KIF1B: variants seen among roughly 807,000 people sequenced by gnomAD.
KIF1B encodes kinesin family member 1B.
In KIF1B, 76 loss-of-function variants were observed where a neutral mutation model predicts 241.9. The ratio of observed to expected loss-of-function variants is 0.31; its 90% CI spans 0.26 to 0.38. The LOEUF (loss-of-function observed/expected upper bound fraction) is 0.38, where lower values mean the gene tolerates loss of function less well. Ranked by LOEUF, KIF1B falls within the 10% of genes least tolerant of loss-of-function variation. The pLI, the probability that KIF1B is intolerant of heterozygous loss-of-function variation, is 1.00. For missense variants in KIF1B, 1,622 were observed against 2,271.4 expected (o/e 0.71, Z 5.81); for synonymous variants, 750 against 796.7 (o/e 0.94, Z 0.99).
At chr1:10,364,470 C>A in intron 41 of KIF1B, among the ~76,000 whole-genome samples, 1 of 150,746 alleles carries the variant, frequency 6.6e-6, no homozygotes. Context: ...TCCCAAAGTG[C>A]TGGGATTACA....
intron 2 of KIF1B, among the ~76,000 whole-genome samples, chr1:10,245,948 C>T (rs1647204775): frequency 6.6e-6 from 1 of 152,142 alleles, no homozygotes; most frequent in African/African-American, 2.4e-5. Flanking sequence ...TAAAGTCCAC[C>T]AGGCTTTTGT....
At chr1:10,308,840 T>G (rs1650948995) in intron 22 of KIF1B, among the ~76,000 whole-genome samples, 1 of 152,248 alleles carries the variant, frequency 6.6e-6, no homozygotes, top group Non-Finnish European at 1.5e-5. Context: ...ACATTTCACT[T>G]ACATAAAATC....
chr1:10,222,706 G>A (rs1264123537), intron 1 of KIF1B, among the ~76,000 whole-genome samples: 1 of 152,136 alleles, frequency 6.6e-6, no homozygotes, highest in East Asian at 1.9e-4. Flanking sequence ...AAATGAATTA[G>A]ACCTAAATGT....
intron 1 of KIF1B, among the ~76,000 whole-genome samples, chr1:10,221,948 T>G (rs1187025262): frequency 6.6e-6 from 1 of 152,170 alleles, no homozygotes; most frequent in East Asian, 1.9e-4. Flanking sequence ...CCTAAGTAGC[T>G]GGGACTACAG....
intron 9 of KIF1B, among the ~76,000 whole-genome samples, chr1:10,272,633 C>T (rs1278430514): frequency 6.7e-6 from 1 of 150,366 alleles, no homozygotes; most frequent in Non-Finnish European, 1.5e-5. Context: ...CCTGTATAAT[C>T]TTTTCTGAGT....
intron 40 of KIF1B, among the ~76,000 whole-genome samples, 197 bp from the exon 41 acceptor site, chr1:10,363,086 T>A (rs1638468582): frequency 6.6e-6 from 1 of 151,834 alleles, no homozygotes; most frequent in Non-Finnish European, 1.5e-5. Context: ...AAAATTAAAT[T>A]GAGATGAAAG....
Position 10,287,589 on chromosome 1 carries a change from T to C in KIF1B, c.1435-3493T>C, listed in dbSNP as rs764677025. ...TTCTAGACAACCTAAAAATTGCAGC[T>C]GAAAACTGTAATAAAAATAAAAGTT... On this transcript the variant is annotated intron_variant, in intron 15 of 48. Coordinates refer to ENST00000676179, the MANE Select transcript of KIF1B (RefSeq NM_001365951.3). Among the ~76,000 whole-genome samples the C allele has an allele frequency of 2.9e-4, 44 of 152,344 alleles. 1 individual carries two copies. Among genetic ancestry groups the C allele is most frequent in the Non-Finnish European group, 4.9e-4 (33 of 68,032 alleles).
At chr1:10,244,666 G>A (rs1053748918) in intron 2 of KIF1B, among the ~76,000 whole-genome samples, 1 of 142,796 alleles carries the variant, frequency 7.0e-6, no homozygotes, top group Non-Finnish European at 1.5e-5. Context: ...AGGCTGGAGT[G>A]CAGTGGCGTG....
chr1:10,377,489 G>A lies in KIF1B; in HGVS notation c.*902G>A, dbSNP rs1638919434. 1.3e-5 allele frequency: 3 copies of A among 227,346 alleles called. No homozygotes were observed. Among genetic ancestry groups the A allele is most frequent in the African/African-American group, 2.2e-5 (1 of 44,936 alleles). 14.1% of individuals were successfully genotyped at this position (227,346 alleles called of 1,614,324 possible). ...CCCACTGTTTTTTCTCTGTTGGGAG[G>A]GAAGCTCTTTTCTAGGAGTGTCTCA... On this transcript the variant is annotated 3_prime_UTR_variant, in exon 49 of 49. Transcript: ENST00000676179.
chr1:10,247,546 A>G (rs1647242922), intron 2 of KIF1B, among the ~76,000 whole-genome samples: 2 of 152,222 alleles, frequency 1.3e-5, no homozygotes, highest in Non-Finnish European at 2.9e-5. Context: ...TAGACATGCA[A>G]GTATTTGTTA....
intron 37 of KIF1B, among the ~76,000 whole-genome samples, chr1:10,351,637 C>T (rs1237859757): frequency 6.6e-6 from 1 of 152,120 alleles, no homozygotes; most frequent in Non-Finnish European, 1.5e-5. Context: ...AACTTGAAAA[C>T]AGAGTGTAGG....
At chr1:10,306,989 A>G in intron 22 of KIF1B, 1 of 1,041,928 alleles carries the variant, frequency 9.6e-7, no homozygotes, top group Non-Finnish European at 1.2e-6. Flanking sequence ...ACAGCTGTGG[A>G]TTGTGGTAAG....
chr1:10,342,213 T>A (rs778918668), intron 33 of KIF1B, 45 bp downstream of exon 33: 4 of 1,205,040 alleles, frequency 3.3e-6, no homozygotes, highest in Non-Finnish European at 5.0e-6. Context: ...TTGTTTTGAT[T>A]TTTAGTTTCT....
In KIF1B at chr1:10,374,590, C is replaced by A; in HGVS notation, c.5096+125C>A. On this transcript the variant is annotated intron_variant, in intron 46 of 48. Transcript: ENST00000676179. This position sits in a 1 kb window ranked among gnomAD's most constrained non-coding sequence, Gnocchi z 4.3. ...ATGCAATCTGTACTGTAGTCTGATG[C>A]AAGTTGAGTCTGGGGTGAGAGGGCC... 1 of 1,210,658 alleles carries A rather than the reference C, an allele frequency of 8.3e-7. No individual in the cohort carries two copies. The highest frequency in any genetic ancestry group is 1.2e-6 in the Non-Finnish European group (1 of 829,796). The allele number at this position is 1,210,658 out of a possible 1,614,324, so 75.0% of individuals were successfully genotyped here.
chr1:10,345,197 A>G (rs1418905602), intron 34 of KIF1B, among the ~76,000 whole-genome samples: 1 of 152,192 alleles, frequency 6.6e-6, no homozygotes, highest in African/African-American at 2.4e-5. Context: ...TCTGAAGAAA[A>G]TGTGTGACAT....
intron 22 of KIF1B, chr1:10,299,032 G>T (rs1393174899): frequency 6.9e-6 from 1 of 145,282 alleles, no homozygotes; most frequent in Non-Finnish European, 1.5e-5. Flanking sequence ...TGGCCCCTGC[G>T]CAAGGATGAC....
At chr1:10,309,913 A>G (rs1275728793) in intron 22 of KIF1B, among the ~76,000 whole-genome samples, 2 of 151,140 alleles carry the variant, frequency 1.3e-5, no homozygotes, top group South Asian at 2.1e-4. Context: ...TGTTCCTTGT[A>G]TATGCCAAGT....
At chr1:10,253,266 T>C (rs190684701) in intron 2 of KIF1B, among the ~76,000 whole-genome samples, 27 of 152,288 alleles carry the variant, frequency 1.8e-4, no homozygotes, top group African/African-American at 3.6e-4. Flanking sequence ...GAATAACTTA[T>C]TTAACCTCTC....
intron 9 of KIF1B, 69 bp downstream of exon 9, chr1:10,272,375 A>G: frequency 9.9e-7 from 1 of 1,005,376 alleles, no homozygotes; most frequent in Non-Finnish European, 1.6e-6. Flanking sequence ...ATATTTTATT[A>G]TTGTTTATGA....
Sources: gnomAD v4.1 joint callset for allele counts (sites outside exome capture counted in the v4.1 genomes callset) on GRCh38, gnomAD v4.1.1 for gene constraint, Gnocchi (gnomAD v3.1) non-coding constraint, MANE v1.5 for transcripts, NCBI Gene and HGNC (gene_info 2026-07-23, HGNC 2026-07-21) for gene names.